Variants in VPS41 observed in about 807,000 individuals in gnomAD.
The protein encoded by VPS41 is VPS41 subunit of HOPS complex, also known as vacuolar protein sorting-associated protein 41 homolog.
In VPS41, 85 loss-of-function variants were observed where a neutral mutation model predicts 130.9. The observed-to-expected ratio is 0.65, with a 90% confidence interval of 0.55 to 0.78. The LOEUF (loss-of-function observed/expected upper bound fraction) is 0.78, where lower values mean the gene tolerates loss of function less well. VPS41 is among the 30% of genes least tolerant of loss of function. The pLI is 0.00. For synonymous variants in VPS41, 335 were observed against 332.9 expected (o/e 1.01, Z -0.07); for missense variants, 874 against 1,018.7 (o/e 0.86, Z 1.93).
intron 7 of VPS41, among the ~76,000 whole-genome samples, chr7:38,800,302 A>C (rs1275765114): frequency 6.6e-6 from 1 of 152,256 alleles, no homozygotes; most frequent in South Asian, 2.1e-4. Flanking sequence ...TGTCCTTAAA[A>C]TAAAATGTGA....
At chr7:38,905,727 T>C (rs1312214022) in intron 1 of VPS41, among the ~76,000 whole-genome samples, 1 of 152,088 alleles carries the variant, frequency 6.6e-6, no homozygotes, top group Non-Finnish European at 1.5e-5. Context: ...AAGAAAAAAA[T>C]GTATGCCAAG....
chr7:38,796,784 C>T lies in VPS41; in HGVS notation c.531G>A (p.Val177=), dbSNP rs751727971. The T allele has an allele frequency of 6.2e-7, 1 of 1,614,006 alleles. No homozygotes were observed. The highest frequency in any genetic ancestry group is 8.5e-7 in the Non-Finnish European group (1 of 1,179,898). ...AAGCAATCAGATGGCCTCTCCACTT[C>T]ACACTCCTTATGTTCCCTTCCCCTT... is the stretch of plus-strand genomic sequence containing the variant. The part of the protein sequence containing the change: ...LHEGEGNIRS[V]KWRGHLIAWA... Residue 177 remains valine (V), a synonymous_variant, in exon 8 of 29, where the codon GTG becomes GTA. Coordinates refer to ENST00000310301, the MANE Select transcript of VPS41 (RefSeq NM_014396.4).
intron 2 of VPS41, among the ~76,000 whole-genome samples, chr7:38,871,061 C>G (rs1786347312): frequency 1.3e-5 from 2 of 151,844 alleles, no homozygotes; most frequent in South Asian, 4.2e-4. Flanking sequence ...CATTACAGTC[C>G]CAGAAGGATA....
chr7:38,753,214 G>C (rs1783716103), intron 21 of VPS41, among the ~76,000 whole-genome samples: 1 of 152,124 alleles, frequency 6.6e-6, no homozygotes. Flanking sequence ...GTTTCCAAGT[G>C]GATTGGTTTA....
At chr7:38,791,049 T>C (rs996268355) in intron 9 of VPS41, among the ~76,000 whole-genome samples, 2 of 152,210 alleles carry the variant, frequency 1.3e-5, no homozygotes, top group African/African-American at 2.4e-5. Context: ...GAGTGCCCAC[T>C]TTCCCTCAGG....
At chr7:38,797,768 G>C (rs573825878) in intron 7 of VPS41, among the ~76,000 whole-genome samples, 1 of 152,148 alleles carries the variant, frequency 6.6e-6, no homozygotes, top group Non-Finnish European at 1.5e-5. Flanking sequence ...AGAGGCAGGG[G>C]AAACAGGTTA....
rs547264625 is a variant in VPS41, at chr7:38,757,387, G to C, written c.1551-405C>G. On this transcript the variant is annotated intron_variant, in intron 18 of 28. Transcript: ENST00000310301. ...CTGACAAATGGCTAATATTCCAAAA[G>C]CTGATTTTAAGGGGGCTGTGTCTAA... is the stretch of plus-strand genomic sequence containing the variant. 7.8e-4 allele frequency among the ~76,000 whole-genome samples: 118 copies of C among 152,232 alleles called. 1 individual carries two copies. Among genetic ancestry groups the C allele is most frequent in the African/African-American group, 2.6e-3 (106 of 41,546 alleles).
chr7:38,882,298 AC>A (rs1373662660), intron 2 of VPS41, among the ~76,000 whole-genome samples: 1 of 152,166 alleles, frequency 6.6e-6, no homozygotes, highest in African/African-American at 2.4e-5. Flanking sequence ...TTTCTGGGGC[AC>A]CACTCTCTCC....
At chr7:38,853,418 CAAAAA>C (rs57368681) in intron 4 of VPS41, among the ~76,000 whole-genome samples, 5 of 78,922 alleles carry the variant, frequency 6.3e-5, no homozygotes, top group South Asian at 5.7e-4. Context: ...GACTCCTTCT[CAAAAA>C]AAAAAAAAAA....
At chr7:38,732,517 CT>C (rs1318113981) in intron 25 of VPS41, among the ~76,000 whole-genome samples, 1 of 151,974 alleles carries the variant, frequency 6.6e-6, no homozygotes, top group Non-Finnish European at 1.5e-5. Flanking sequence ...ATGAAAAATT[CT>C]TTGGATATTT....
intron 4 of VPS41, among the ~76,000 whole-genome samples, chr7:38,846,826 T>C (rs1208406701): frequency 2.0e-5 from 3 of 151,990 alleles, no homozygotes; most frequent in East Asian, 1.9e-4. Context: ...CAAGAGGATA[T>C]ACGGGGAATA....
At chr7:38,762,261 G>T (rs1444943665) in intron 17 of VPS41, among the ~76,000 whole-genome samples, 1 of 152,138 alleles carries the variant, frequency 6.6e-6, no homozygotes, top group Non-Finnish European at 1.5e-5. Context: ...AGAGGACACA[G>T]GAACAAGGGA....
At chr7:38,883,073 T>A (rs1584444097) in intron 2 of VPS41, among the ~76,000 whole-genome samples, 1 of 152,214 alleles carries the variant, frequency 6.6e-6, no homozygotes, top group Admixed American at 6.5e-5. Flanking sequence ...TGAAACTCCA[T>A]CTCTACTAAA....
chr7:38,794,214 T>C (rs1381281003), intron 9 of VPS41, among the ~76,000 whole-genome samples: 1 of 152,146 alleles, frequency 6.6e-6, no homozygotes, highest in Non-Finnish European at 1.5e-5. Flanking sequence ...ATTGGATGAG[T>C]AACCACACAC....
At position 38,881,250 on chromosome 7, in the gene VPS41, C is replaced by T. The variant is rs370511893; in HGVS notation, c.61-11997G>A. Among the ~76,000 whole-genome samples, 4 of 152,240 alleles carry T rather than the reference C, an allele frequency of 2.6e-5. 1 individual carries two copies. Among genetic ancestry groups the T allele is most frequent in the East Asian group, 1.9e-4 (1 of 5,174 alleles). ...CCTCTCCTTTTCCAGCTTCTGAAAG[C>T]GCCAGCATTCCTTGGCTGTGGGCCC... On this transcript the variant is annotated intron_variant, in intron 2 of 28. Transcript: ENST00000310301.
intron 25 of VPS41, among the ~76,000 whole-genome samples, chr7:38,737,803 T>G (rs1031807267): frequency 4.6e-5 from 7 of 152,186 alleles, no homozygotes; most frequent in African/African-American, 1.7e-4. Flanking sequence ...GAAAGTTTTG[T>G]AATCCTGTGA....
At chr7:38,749,613 T>C (rs2286093) in intron 22 of VPS41, among the ~76,000 whole-genome samples, 1 of 152,124 alleles carries the variant, frequency 6.6e-6, no homozygotes, top group Non-Finnish European at 1.5e-5. Context: ...AAAGGGAGGC[T>C]TTATAATTTC....
intron 18 of VPS41, 113 bp downstream of exon 18, chr7:38,758,240 TG>T (rs1783843039): frequency 1.1e-6 from 1 of 945,880 alleles, no homozygotes; most frequent in Non-Finnish European, 1.5e-6. Flanking sequence ...TAAGAAGGAA[TG>T]TAGGAAAATG....
chr7:38,754,401 T>C (rs1280245190), intron 21 of VPS41, among the ~76,000 whole-genome samples: 2 of 152,148 alleles, frequency 1.3e-5, no homozygotes, highest in East Asian at 3.8e-4. Context: ...TAGTTAAATA[T>C]ATAGTTATGT....
Sources: allele counts gnomAD v4.1 joint callset (sites outside exome capture counted in the v4.1 genomes callset), GRCh38; gene constraint gnomAD v4.1.1; transcripts MANE v1.5; gene names NCBI Gene and HGNC (gene_info 2026-07-23, HGNC 2026-07-21).